Variants in MYH15 observed in about 807,000 individuals in gnomAD.
MYH15 encodes myosin-15.
A neutral mutation model predicts 240.5 loss-of-function variants in MYH15; 227 were observed. The observed-to-expected ratio is 0.94, with a 90% confidence interval of 0.85 to 1.05. MYH15 has a LOEUF of 1.05. Ranked by LOEUF, MYH15 falls within the 50% of genes least tolerant of loss-of-function variation. The pLI is 0.00. For missense variants in MYH15, 2,217 were observed against 2,247.5 expected (o/e 0.99, Z 0.27); for synonymous variants, 785 against 796.7 (o/e 0.99, Z 0.25).
chr3:108,441,237 A>G lies in MYH15; in HGVS notation c.2679T>C (p.Val893=), dbSNP rs756634433. 2.5e-6 allele frequency: 4 copies of G among 1,613,912 alleles called. No individual in the cohort carries two copies. The African/African-American group carries it at 4.0e-5, about 16-fold the overall frequency. ...LQAEQETLAN[V]EEQCEWLIKS... is the part of the protein sequence containing the mutation. ...TAATCAGCCACTCGCACTGCTCTTC[A>G]ACATTTGCCAGTGTCTCTTGCTCCT... Residue 893 remains valine (V), a synonymous_variant, in exon 23 of 41, where the codon GTT becomes GTC. Coordinates refer to ENST00000693548, the MANE Select transcript of MYH15 (RefSeq NM_014981.3).
intron 21 of MYH15, among the ~76,000 whole-genome samples, chr3:108,445,485 GATACACAA>G (rs2082919368): frequency 6.6e-6 from 1 of 151,602 alleles, no homozygotes; most frequent in South Asian, 2.1e-4. Context: ...CTGCCTGAAT[GATACACAA>G]ATATCCAAGA....
intron 14 of MYH15, among the ~76,000 whole-genome samples, chr3:108,469,438 C>T (rs2083151729): frequency 6.6e-6 from 1 of 152,156 alleles, no homozygotes; most frequent in African/African-American, 2.4e-5. Flanking sequence ...CTCATCTTTC[C>T]CAGAACATGC....
chr3:108,410,548 G>T, intron 31 of MYH15, 35 bp downstream of exon 31: 1 of 1,479,630 alleles, frequency 6.8e-7, no homozygotes, highest in Non-Finnish European at 9.1e-7. Context: ...TGAGCTACCC[G>T]CTCTGGCTTT....
chr3:108,500,026 G>C, intron 4 of MYH15, 92 bp downstream of exon 4: 1 of 1,384,080 alleles, frequency 7.2e-7, no homozygotes. Flanking sequence ...TAAAGGCCAT[G>C]CTCTGCTCAC....
chr3:108,515,379 A>G (rs890022942), upstream of MYH15, among the ~76,000 whole-genome samples: 8 of 152,212 alleles, frequency 5.3e-5, no homozygotes, highest in Admixed American at 2.0e-4. Flanking sequence ...AGAAGCAGCA[A>G]TAAGGGACCA....
At chr3:108,406,164 G>A (rs999015322) in intron 32 of MYH15, among the ~76,000 whole-genome samples, 8 of 151,890 alleles carry the variant, frequency 5.3e-5, no homozygotes, top group African/African-American at 1.2e-4. Context: ...TTTAAAACCC[G>A]TCCTGAAGCT....
At chr3:108,408,168 T>C (rs2082560208) in intron 32 of MYH15, 112 bp downstream of exon 32, 1 of 1,223,160 alleles carries the variant, frequency 8.2e-7, no homozygotes, top group African/African-American at 1.5e-5. Context: ...GCCTAGCATA[T>C]AGTAAATAAA....
rs1373285537 is a variant in MYH15, at chr3:108,454,041, C to T, written c.2364G>A (p.Leu788=). The stretch of plus-strand genomic sequence containing the variant: ...GAATCTTCTGGAATTTGATTCGCAT[C>T]AGTTTGCCCTGTGCTCTGGCTTGGA... ...TLFQARAQGK[L]MRIKFQKILE... Residue 788 remains leucine, a synonymous_variant, in exon 21 of 41, where the codon CTG becomes CTA. Transcript: ENST00000693548. The T allele has an allele frequency of 6.2e-7, 1 of 1,612,044 alleles. No homozygotes were observed. Among genetic ancestry groups the T allele is most frequent in the Admixed American group, 1.7e-5 (1 of 59,908 alleles).
upstream of MYH15, among the ~76,000 whole-genome samples, chr3:108,514,299 T>C (rs2083543837): frequency 6.6e-6 from 1 of 152,210 alleles, no homozygotes; most frequent in Admixed American, 6.5e-5. Context: ...TTAAGTGTAG[T>C]GCCTGTAGTT....
intron 7 of MYH15, among the ~76,000 whole-genome samples, chr3:108,493,395 C>G (rs986860383): frequency 1.3e-5 from 2 of 152,112 alleles, no homozygotes; most frequent in African/African-American, 4.8e-5. Context: ...CTGGAGGAAG[C>G]CAGAATGATT....
chr3:108,387,562 T>G (rs1289401158), intron 38 of MYH15, among the ~76,000 whole-genome samples: 1 of 152,202 alleles, frequency 6.6e-6, no homozygotes, highest in South Asian at 2.1e-4. Context: ...TTTTGTTCCA[T>G]AATGAAGTTG....
At position 108,398,684 on chromosome 3, in the gene MYH15, C is replaced by A; in HGVS notation, c.5086G>T (p.Glu1696Ter). 5.6e-6 allele frequency: 9 copies of A among 1,613,964 alleles called. No individual in the cohort carries two copies. The highest frequency in any genetic ancestry group is 1.3e-5 in the African/African-American group (1 of 75,052). Residue 1696 changes from glutamate to a stop codon, truncating the protein, a stop_gained, in exon 35 of 41, where the codon GAA becomes TAA. Coordinates refer to ENST00000693548, the MANE Select transcript of MYH15 (RefSeq NM_014981.3). LOFTEE classifies it high-confidence loss of function. ...CTTTCTGTTGCTTCCAGGAGCTCTT[C>A]TTCTGACAGCCTGCGGCCACGCTCT... Reference protein sequence around the residue: ...QTERGRRLSEEELLEATERIN... With the variant: ...QTERGRRLSE
At chr3:108,460,210 C>G (rs2083059011) in intron 17 of MYH15, 90 bp downstream of exon 17, 1 of 1,138,346 alleles carries the variant, frequency 8.8e-7, no homozygotes, top group Admixed American at 2.7e-5. Context: ...GATACTTTAT[C>G]CTTATTTGAA....
intron 14 of MYH15, among the ~76,000 whole-genome samples, chr3:108,465,422 T>C (rs561757366): frequency 6.6e-6 from 1 of 152,342 alleles, no homozygotes; most frequent in South Asian, 2.1e-4. Context: ...AAGGAGCAGC[T>C]GGAGCTCAAA....
intron 1 of MYH15, among the ~76,000 whole-genome samples, chr3:108,524,709 TAGAAAC>T (rs888463570): frequency 1.3e-5 from 2 of 152,058 alleles, no homozygotes; most frequent in African/African-American, 4.8e-5. Context: ...GTAGCGTAGT[TAGAAAC>T]AGAAAAACCT....
At chr3:108,507,118 A>T (rs1301653480) in intron 1 of MYH15, among the ~76,000 whole-genome samples, 1 of 151,864 alleles carries the variant, frequency 6.6e-6, no homozygotes. Flanking sequence ...AATGGGGAAG[A>T]TCACTTGAAC....
intron 11 of MYH15, among the ~76,000 whole-genome samples, chr3:108,482,789 T>C (rs1215990863): frequency 6.6e-6 from 1 of 152,214 alleles, no homozygotes; most frequent in Non-Finnish European, 1.5e-5. Flanking sequence ...TACGTATTTA[T>C]GTATTTATTG....
chr3:108,477,633 A>C, intron 11 of MYH15, among the ~76,000 whole-genome samples: 1 of 152,166 alleles, frequency 6.6e-6, no homozygotes, highest in East Asian at 1.9e-4. Flanking sequence ...TGGGCCATGT[A>C]ATCTGATAAT....
chr3:108,399,133 GCA>G lies in MYH15; in HGVS notation c.4869_4870del (p.Ala1624GlnfsTer27). The G allele has an allele frequency of 6.2e-7, 1 of 1,614,198 alleles. No homozygotes were observed. Among genetic ancestry groups the G allele is most frequent in the Admixed American group, 1.7e-5 (1 of 60,018 alleles). ...GGTTGCTTCTGACACCTGCCGGTTGGCACAGCTAAGCTGGAGTTCCATCTCAT... is the reference window on the plus strand; with the variant it reads ...GGTTGCTTCTGACACCTGCCGGTTGGCAGCTAAGCTGGAGTTCCATCTCAT... On this transcript the variant is annotated frameshift_variant, in exon 34 of 41. Coordinates refer to ENST00000693548, the MANE Select transcript of MYH15 (RefSeq NM_014981.3). LOFTEE classifies it high-confidence loss of function.
Sources: gnomAD v4.1 joint callset for allele counts (sites outside exome capture counted in the v4.1 genomes callset) on GRCh38, gnomAD v4.1.1 for gene constraint, MANE v1.5 for transcripts, NCBI Gene and HGNC (gene_info 2026-07-23, HGNC 2026-07-21) for gene names.